LRBA: variants seen among roughly 807,000 people sequenced by gnomAD.
LRBA encodes the protein lipopolysaccharide-responsive and beige-like anchor protein.
LRBA carries 176 observed loss-of-function variants against 330.0 expected under a neutral mutation model. That is an observed-to-expected ratio of 0.53 (90% CI 0.47 to 0.60). The LOEUF is 0.60. LRBA is among the 20% of genes least tolerant of loss of function. The pLI, the probability that LRBA is intolerant of heterozygous loss-of-function variation, is 0.00. For synonymous variants in LRBA, 1,230 were observed against 1,193.0 expected (o/e 1.03, Z -0.64); for missense variants, 3,259 against 3,444.8 (o/e 0.95, Z 1.35).
At chr4:150,719,992 A>G (rs968971428) in intron 36 of LRBA, among the ~76,000 whole-genome samples, 11 of 152,288 alleles carry the variant, frequency 7.2e-5, no homozygotes, top group South Asian at 2.1e-4. Flanking sequence ...GAGGATTTCT[A>G]AGAAAGACTC....
At chr4:150,982,771 A>G (rs1741003253) in intron 2 of LRBA, among the ~76,000 whole-genome samples, 1 of 152,238 alleles carries the variant, frequency 6.6e-6, no homozygotes, top group Admixed American at 6.5e-5. Flanking sequence ...ATGTAGGGCA[A>G]TGCTTATCAG....
intron 42 of LRBA, among the ~76,000 whole-genome samples, chr4:150,482,754 T>C (rs1757428003): frequency 6.6e-6 from 1 of 152,156 alleles, no homozygotes; most frequent in Admixed American, 6.6e-5. Context: ...ACTGTTGTTT[T>C]AATCAGCATT....
At chr4:150,688,027 G>C (rs1277999272) in intron 36 of LRBA, among the ~76,000 whole-genome samples, 1 of 152,068 alleles carries the variant, frequency 6.6e-6, no homozygotes, top group African/African-American at 2.4e-5. Context: ...AAAGCTGGAG[G>C]CATCACACTA....
chr4:150,628,818 A>G (rs1053326200), intron 37 of LRBA, among the ~76,000 whole-genome samples: 13 of 152,338 alleles, frequency 8.5e-5, no homozygotes, highest in Admixed American at 6.5e-4. Flanking sequence ...TCATTTCAAA[A>G]ACTCATATCA....
intron 2 of LRBA, among the ~76,000 whole-genome samples, chr4:151,011,854 T>G (rs1744888096): frequency 7.0e-6 from 1 of 143,524 alleles, no homozygotes; most frequent in Non-Finnish European, 1.5e-5. Flanking sequence ...TTTTATTTAA[T>G]TTTTTTTTTT....
intron 44 of LRBA, among the ~76,000 whole-genome samples, chr4:150,438,162 A>C (rs1465386772): frequency 6.6e-6 from 1 of 152,206 alleles, no homozygotes; most frequent in East Asian, 1.9e-4. Context: ...ACTGAAAAAG[A>C]CATGATATAT....
intron 47 of LRBA, among the ~76,000 whole-genome samples, chr4:150,368,618 C>A (rs561455709): frequency 1.3e-5 from 2 of 152,170 alleles, no homozygotes; most frequent in Admixed American, 1.3e-4. Flanking sequence ...TTTAAAAAAA[C>A]AAATCACTAA....
intron 35 of LRBA, among the ~76,000 whole-genome samples, chr4:150,736,149 G>T (rs1582190039): frequency 6.6e-6 from 1 of 152,154 alleles, no homozygotes; most frequent in African/African-American, 2.4e-5. Context: ...CCAGCCTTGA[G>T]TCAGCTCAGA....
Position 150,443,884 on chromosome 4 carries a change from T to A in LRBA, c.6781-7020A>T, listed in dbSNP as rs1363431893. The stretch of plus-strand genomic sequence containing the variant: ...TATATATATATATATTTTTTTTTTT[T>A]TTTTTTTTTAAAGCCACCTCCAACC... On this transcript the variant is annotated intron_variant, in intron 44 of 56. Coordinates refer to ENST00000651943, the MANE Select transcript of LRBA (RefSeq NM_001364905.1). Among the ~76,000 whole-genome samples, 221 of 109,918 alleles carry A rather than the reference T, an allele frequency of 2.0e-3. 2 individuals are homozygous for A. The highest frequency in any genetic ancestry group is 5.0e-3 in the African/African-American group (169 of 33,674). The allele number at this position is 109,918 out of a possible 152,430, so 72.1% of individuals were successfully genotyped here.
In LRBA at chr4:150,529,411, T is replaced by C. The variant is rs181923169; in HGVS notation, c.6331-38376A>G. 9.9e-5 allele frequency among the ~76,000 whole-genome samples: 15 copies of C among 152,208 alleles called. No individual in the cohort carries two copies. In the East Asian group the frequency reaches 2.5e-3, roughly 26 times the overall value. ...GGTTCCCATGTAAAACAAACAATATTAGCTTATATTAAAAGCAATAATCTG... is the reference window on the plus strand; with the variant it reads ...GGTTCCCATGTAAAACAAACAATATCAGCTTATATTAAAAGCAATAATCTG... On this transcript the variant is annotated intron_variant, in intron 40 of 56. Coordinates refer to ENST00000651943, the MANE Select transcript of LRBA (RefSeq NM_001364905.1).
chr4:150,921,891 AACTTTTGT>A (rs2149496494), intron 4 of LRBA, among the ~76,000 whole-genome samples: 1 of 152,322 alleles, frequency 6.6e-6, no homozygotes, highest in African/African-American at 2.4e-5. Flanking sequence ...ACACCCGGCT[AACTTTTGT>A]ACTTTTAGTA....
At chr4:150,382,049 C>T (rs1018299237) in intron 47 of LRBA, among the ~76,000 whole-genome samples, 6 of 152,140 alleles carry the variant, frequency 3.9e-5, no homozygotes, top group African/African-American at 1.4e-4. Flanking sequence ...CTTATATAAT[C>T]TGCATAGTAG....
chr4:150,976,175 G>GAAAAAAA (rs56914557), intron 2 of LRBA, among the ~76,000 whole-genome samples: 3 of 88,694 alleles, frequency 3.4e-5, no homozygotes, highest in African/African-American at 1.2e-4. Context: ...ACTCCGTCTT[G>GAAAAAAA]AAAAAAAAAA....
intron 44 of LRBA, among the ~76,000 whole-genome samples, chr4:150,459,317 G>GT (rs1754471051): frequency 6.6e-6 from 1 of 151,850 alleles, no homozygotes; most frequent in South Asian, 2.1e-4. Flanking sequence ...CTCCAAAAAA[G>GT]TCAATCTCTT....
chr4:150,695,873 T>C (rs1157525344), intron 36 of LRBA, among the ~76,000 whole-genome samples: 1 of 152,208 alleles, frequency 6.6e-6, no homozygotes, highest in East Asian at 1.9e-4. Context: ...TTTAGTTGTA[T>C]TAGCAAGGTC....
At chr4:150,800,602 T>C (rs1741471015) in intron 33 of LRBA, among the ~76,000 whole-genome samples, 1 of 152,162 alleles carries the variant, frequency 6.6e-6, no homozygotes, top group Non-Finnish European at 1.5e-5. Context: ...AGGAAGGCCC[T>C]AAAACCTTAA....
At chr4:150,758,966 T>C (rs1043699627) in intron 35 of LRBA, among the ~76,000 whole-genome samples, 2 of 150,764 alleles carry the variant, frequency 1.3e-5, no homozygotes, top group Non-Finnish European at 3.0e-5. Context: ...CCAGGCTACA[T>C]TGTAGTAGCA....
At chr4:150,805,634 GAAGGA>G (rs752613054) in intron 33 of LRBA, among the ~76,000 whole-genome samples, 63 of 119,232 alleles carry the variant, frequency 5.3e-4, no homozygotes, top group Non-Finnish European at 7.4e-4. Flanking sequence ...AGGAGAAGGA[GAAGGA>G]AAGGAAAGGA....
chr4:150,805,897 A>C (rs6535752), intron 33 of LRBA, among the ~76,000 whole-genome samples: 5 of 152,168 alleles, frequency 3.3e-5, no homozygotes, highest in African/African-American at 9.7e-5. Flanking sequence ...AGAATTCTAC[A>C]AATAACAATG....
Sources: gnomAD v4.1 joint callset for allele counts (sites outside exome capture counted in the v4.1 genomes callset) on GRCh38, gnomAD v4.1.1 for gene constraint, MANE v1.5 for transcripts, NCBI Gene and HGNC (gene_info 2026-07-23, HGNC 2026-07-21) for gene names.